The following MAPK10 variants were observed in gnomAD, a reference collection of about 807,000 sequenced individuals.
MAPK10 encodes JNK3 alpha protein kinase.
MAPK10 carries 25 observed loss-of-function variants against 59.3 expected under a neutral mutation model. That is an observed-to-expected ratio of 0.42 (90% CI 0.31 to 0.59). The LOEUF (loss-of-function observed/expected upper bound fraction) is 0.59. MAPK10 is among the 20% of genes least tolerant of loss of function. The probability of loss-of-function intolerance (pLI) is 0.15; values close to 1 mark genes in which losing one functional copy is unlikely to be tolerated. For synonymous variants in MAPK10, 190 were observed against 200.5 expected (o/e 0.95, Z 0.44); for missense variants, 351 against 568.9 (o/e 0.62, Z 3.90).
intron 11 of MAPK10, among the ~76,000 whole-genome samples, chr4:86,051,113 TC>T (rs2043435476): frequency 6.6e-6 from 1 of 152,144 alleles, no homozygotes; most frequent in African/African-American, 2.4e-5. Flanking sequence ...ATATTGTGGG[TC>T]ATTATTCTAC....
intron 1 of MAPK10, among the ~76,000 whole-genome samples, chr4:86,541,775 T>C (rs910785421): frequency 2.0e-5 from 3 of 152,194 alleles, no homozygotes; most frequent in Non-Finnish European, 2.9e-5. Flanking sequence ...TGAACCTTCC[T>C]GGGTCCTAAT....
chr4:86,528,353 A>C (rs1309502046), intron 1 of MAPK10, among the ~76,000 whole-genome samples: 1 of 152,156 alleles, frequency 6.6e-6, no homozygotes, highest in Non-Finnish European at 1.5e-5. Context: ...AGAAAAAAAA[A>C]ACAACATAAA....
intron 1 of MAPK10, among the ~76,000 whole-genome samples, chr4:86,381,433 G>A (rs1052146478): frequency 6.6e-6 from 1 of 152,032 alleles, no homozygotes; most frequent in African/African-American, 2.4e-5. Context: ...CCTTGTGCAG[G>A]TCCCGGGCCT....
chr4:86,553,736 A>G (rs943567951), intron 1 of MAPK10, among the ~76,000 whole-genome samples: 2 of 152,116 alleles, frequency 1.3e-5, no homozygotes, highest in African/African-American at 2.4e-5. Context: ...AAGTGCCTAC[A>G]TTCAATTTGT....
At chr4:86,092,363 A>G (rs1430223302) in intron 9 of MAPK10, among the ~76,000 whole-genome samples, 1 of 152,094 alleles carries the variant, frequency 6.6e-6, no homozygotes, top group Non-Finnish European at 1.5e-5. Context: ...TGTTATCTTG[A>G]ATTACAAAAA....
chr4:86,508,868 T>C (rs747711127), intron 1 of MAPK10, among the ~76,000 whole-genome samples: 1 of 152,172 alleles, frequency 6.6e-6, no homozygotes, highest in East Asian at 1.9e-4. Flanking sequence ...CATTCAGGCA[T>C]GTCAAGCTTT....
intron 1 of MAPK10, among the ~76,000 whole-genome samples, chr4:86,439,057 T>C (rs1749112683): frequency 6.6e-6 from 1 of 152,210 alleles, no homozygotes; most frequent in African/African-American, 2.4e-5. Context: ...TGATATTTTC[T>C]TTTTCCTGTT....
At chr4:86,065,982 G>T (rs2046659668) in intron 10 of MAPK10, among the ~76,000 whole-genome samples, 1 of 152,022 alleles carries the variant, frequency 6.6e-6, no homozygotes, top group South Asian at 2.1e-4. Context: ...ACTAGCTAGA[G>T]GCAATGACTG....
At chr4:86,501,776 G>A (rs1330466698) in intron 1 of MAPK10, among the ~76,000 whole-genome samples, 2 of 151,978 alleles carry the variant, frequency 1.3e-5, no homozygotes, top group African/African-American at 4.8e-5. Flanking sequence ...ATTACATTGT[G>A]TCAGAGAATG....
In MAPK10 at chr4:86,016,821, G is replaced by GTGTA; in HGVS notation, c.*406_*407insTACA. The GTGTA allele has an allele frequency of 5.3e-6, 1 of 189,302 alleles. No homozygotes were observed. The highest frequency in any genetic ancestry group is 1.1e-5 in the Non-Finnish European group (1 of 89,942). The allele number at this position is 189,302 out of a possible 1,614,324, so 11.7% of individuals were successfully genotyped here. ...TCCATCTGACTAGGCCAAGGAGCAG[G>GTGTA]TAGATGCAAGATAGAGACACACACA... On this transcript the variant is annotated 3_prime_UTR_variant, in exon 14 of 14. Coordinates refer to ENST00000641462, the MANE Select transcript of MAPK10 (RefSeq NM_138982.4).
At chr4:86,076,903 G>C (rs1579779198) in intron 9 of MAPK10, among the ~76,000 whole-genome samples, 1 of 152,044 alleles carries the variant, frequency 6.6e-6, no homozygotes, top group East Asian at 1.9e-4. Flanking sequence ...ATAGAGTAAG[G>C]ATTTACAGAT....
At chr4:86,579,424 A>G (rs192757626) in intron 1 of MAPK10, among the ~76,000 whole-genome samples, 2 of 152,050 alleles carry the variant, frequency 1.3e-5, no homozygotes, top group Admixed American at 1.3e-4. Context: ...CATTTACCTC[A>G]TTCTTCCCAG....
chr4:86,393,767 C>T (rs1010929220), intron 1 of MAPK10, among the ~76,000 whole-genome samples: 1 of 152,144 alleles, frequency 6.6e-6, no homozygotes, highest in African/African-American at 2.4e-5. Context: ...AGTCTCTCCA[C>T]GACACCAGTG....
intron 2 of MAPK10, among the ~76,000 whole-genome samples, chr4:86,218,451 G>A (rs1026108328): frequency 3.3e-5 from 5 of 151,786 alleles, no homozygotes; most frequent in East Asian, 1.9e-4. Context: ...GTGAGCCACC[G>A]CGCCTGGCCT....
At chr4:86,328,631 G>GA (rs1348546688) in intron 2 of MAPK10, among the ~76,000 whole-genome samples, 1 of 152,172 alleles carries the variant, frequency 6.6e-6, no homozygotes, top group African/African-American at 2.4e-5. Context: ...ACTGGACAAA[G>GA]AAAATGTGGC....
intron 2 of MAPK10, among the ~76,000 whole-genome samples, chr4:86,202,191 T>G (rs1408575173): frequency 2.6e-5 from 4 of 151,952 alleles, no homozygotes; most frequent in Non-Finnish European, 5.9e-5. Context: ...TTATTTCTAT[T>G]TTCAAACTGT....
intron 4 of MAPK10, among the ~76,000 whole-genome samples, chr4:86,134,164 C>T (rs2061481732): frequency 6.6e-6 from 1 of 152,168 alleles, no homozygotes. Flanking sequence ...TGGAGTCAAG[C>T]TGAGTAAGTC....
intron 4 of MAPK10, among the ~76,000 whole-genome samples, chr4:86,155,509 G>A (rs1203635384): frequency 6.6e-6 from 1 of 151,772 alleles, no homozygotes; most frequent in East Asian, 1.9e-4. Flanking sequence ...CCTTGTCTGA[G>A]GCAGATACAT....
chr4:86,071,335 T>C (rs1418746532), intron 9 of MAPK10, among the ~76,000 whole-genome samples: 1 of 127,036 alleles, frequency 7.9e-6, no homozygotes, highest in African/African-American at 3.3e-5. Context: ...TCTCCCATTT[T>C]GTAGGTTGCC....
Sources: allele counts gnomAD v4.1 joint callset (sites outside exome capture counted in the v4.1 genomes callset), GRCh38; gene constraint gnomAD v4.1.1; transcripts MANE v1.5; gene names NCBI Gene and HGNC (gene_info 2026-07-23, HGNC 2026-07-21).